EPN2: variants seen among roughly 807,000 people sequenced by gnomAD.
EPN2 encodes epsin-2.
A neutral mutation model predicts 61.7 loss-of-function variants in EPN2; 34 were observed. The observed-to-expected ratio is 0.55, with a 90% CI of 0.42 to 0.73. The LOEUF (loss-of-function observed/expected upper bound fraction) is 0.73, where lower values mean the gene tolerates loss of function less well. Ranked by LOEUF, EPN2 falls within the 30% of genes least tolerant of loss-of-function variation. The pLI is 0.00. For synonymous variants in EPN2, 349 were observed against 353.6 expected, an observed-to-expected ratio of 0.99 and a Z score of 0.15; for missense variants, 714 against 839.2, an observed-to-expected ratio of 0.85 and a Z score of 1.84.
chr17:19,325,991 A>G (rs1309269523), intron 7 of EPN2, among the ~76,000 whole-genome samples: 1 of 152,256 alleles, frequency 6.6e-6, no homozygotes, highest in Admixed American at 6.5e-5. Flanking sequence ...GAAAAGTTTA[A>G]AAGATACTAG....
At chr17:19,331,734 T>C (rs1213444902) in intron 9 of EPN2, 119 bp from the exon 10 acceptor site, 1 of 781,400 alleles carries the variant, frequency 1.3e-6, no homozygotes. Context: ...ACTGGCTGTG[T>C]GTCGTCACGT....
intron 4 of EPN2, among the ~76,000 whole-genome samples, chr17:19,302,853 G>T (rs1905597978): frequency 6.6e-6 from 1 of 152,204 alleles, no homozygotes; most frequent in African/African-American, 2.4e-5. Flanking sequence ...CCAGATCTGA[G>T]CCCAGGCATG....
At chr17:19,292,733 C>A (rs1471033471) in intron 4 of EPN2, among the ~76,000 whole-genome samples, 3 of 152,204 alleles carry the variant, frequency 2.0e-5, no homozygotes, top group African/African-American at 7.2e-5. Flanking sequence ...CAGACAGTTG[C>A]CCAACACAAC....
At chr17:19,277,902 C>G (rs1360067455) in intron 1 of EPN2, among the ~76,000 whole-genome samples, 3 of 152,016 alleles carry the variant, frequency 2.0e-5, no homozygotes, top group Non-Finnish European at 4.4e-5. Context: ...GAAACCTCGT[C>G]TCCACTAAAA....
intron 7 of EPN2, among the ~76,000 whole-genome samples, chr17:19,321,582 G>A (rs894637858): frequency 1.3e-5 from 2 of 152,180 alleles, no homozygotes; most frequent in South Asian, 4.1e-4. Context: ...AAGCAGGAGT[G>A]GGGGATAGAA....
chr17:19,245,807 C>T (rs1234432551), intron 1 of EPN2, among the ~76,000 whole-genome samples: 1 of 151,990 alleles, frequency 6.6e-6, no homozygotes, highest in African/African-American at 2.4e-5. Context: ...GGACTACAGG[C>T]ACGTACCACC....
At chr17:19,263,561 G>A (rs563201561) in intron 1 of EPN2, among the ~76,000 whole-genome samples, 12 of 152,346 alleles carry the variant, frequency 7.9e-5, no homozygotes, top group African/African-American at 2.4e-4. Flanking sequence ...GAGCACTTCT[G>A]AGTTTCACAG....
chr17:19,237,829 C>T (rs923171319), intron 1 of EPN2, among the ~76,000 whole-genome samples: 2 of 152,030 alleles, frequency 1.3e-5, no homozygotes, highest in Non-Finnish European at 2.9e-5. Context: ...CCTTTTATGT[C>T]CCCAGAGTCC....
intron 1 of EPN2, among the ~76,000 whole-genome samples, chr17:19,256,725 T>A (rs552235747): frequency 2.6e-5 from 4 of 152,094 alleles, no homozygotes; most frequent in Non-Finnish European, 5.9e-5. Context: ...CTGAGTGACT[T>A]AAAATTTAGC....
At chr17:19,299,117 G>A (rs1403454470) in intron 4 of EPN2, among the ~76,000 whole-genome samples, 1 of 152,132 alleles carries the variant, frequency 6.6e-6, no homozygotes, top group Admixed American at 6.5e-5. Flanking sequence ...GTGCTCAATT[G>A]GGAGCCCCTG....
At position 19,329,363 on chromosome 17, in the gene EPN2, G is replaced by A. The variant is rs1907051776; in HGVS notation, c.1325-198G>A. The A allele has an allele frequency of 7.4e-6, 4 of 537,300 alleles. No homozygotes were observed. The South Asian group carries it at 1.2e-4, about 16-fold the overall frequency. The allele number at this position is 537,300 out of a possible 1,614,324, so 33.3% of individuals were successfully genotyped here. ...CCCACACCCTGTCCTGGGAGGCCAG[G>A]CTCCCTGTCTCCCCTCCCAGCGTGC... is the stretch of plus-strand genomic sequence containing the variant. On this transcript the variant is annotated intron_variant, in intron 8 of 10. Coordinates refer to ENST00000314728, the MANE Select transcript of EPN2 (RefSeq NM_014964.5).
At chr17:19,294,332 A>G (rs2045494581) in intron 4 of EPN2, among the ~76,000 whole-genome samples, 1 of 152,084 alleles carries the variant, frequency 6.6e-6, no homozygotes, top group African/African-American at 2.4e-5. Context: ...GGTGGGAGGA[A>G]TCGCCTGAGC....
At chr17:19,298,098 A>ACTC (rs1003451753) in intron 4 of EPN2, among the ~76,000 whole-genome samples, 16 of 150,268 alleles carry the variant, frequency 1.1e-4, no homozygotes, top group Non-Finnish European at 1.9e-4. Flanking sequence ...CTGGTCTTGA[A>ACTC]CTCCTGACCT....
At chr17:19,245,960 C>T (rs769954143) in intron 1 of EPN2, among the ~76,000 whole-genome samples, 10 of 152,222 alleles carry the variant, frequency 6.6e-5, no homozygotes, top group Middle Eastern at 3.4e-3. Flanking sequence ...CCACCATGCC[C>T]GGCCCTTCTT....
At chr17:19,272,452 A>G (rs1046334963) in intron 1 of EPN2, among the ~76,000 whole-genome samples, 1 of 151,932 alleles carries the variant, frequency 6.6e-6, no homozygotes, top group Non-Finnish European at 1.5e-5. Flanking sequence ...TGGGTTTCTC[A>G]TGACACCATG....
At chr17:19,251,713 C>T (rs1259673170) in intron 1 of EPN2, among the ~76,000 whole-genome samples, 4 of 152,074 alleles carry the variant, frequency 2.6e-5, no homozygotes, top group East Asian at 1.9e-4. Flanking sequence ...GGATTACAGG[C>T]GTGAGCCACT....
intron 7 of EPN2, among the ~76,000 whole-genome samples, chr17:19,325,879 GA>G (rs1373137719): frequency 1.3e-5 from 2 of 152,170 alleles, no homozygotes; most frequent in Admixed American, 1.3e-4. Context: ...ATTATTATTA[GA>G]ATCAATAATT....
intron 7 of EPN2, among the ~76,000 whole-genome samples, chr17:19,318,614 G>A (rs1455362705): frequency 6.8e-6 from 1 of 146,272 alleles, no homozygotes; most frequent in African/African-American, 2.5e-5. Context: ...TCAACATTGT[G>A]CATGATACAG....
chr17:19,332,737 T>TC (rs1237000343), intron 10 of EPN2, among the ~76,000 whole-genome samples: 1 of 152,210 alleles, frequency 6.6e-6, no homozygotes, highest in Non-Finnish European at 1.5e-5. Context: ...ATGTCCTCCC[T>TC]CCTCTTCCCT....
Sources: gnomAD v4.1 joint callset for allele counts (sites outside exome capture counted in the v4.1 genomes callset) on GRCh38, gnomAD v4.1.1 for gene constraint, MANE v1.5 for transcripts, NCBI Gene and HGNC (gene_info 2026-07-23, HGNC 2026-07-21) for gene names.